The following P2RX3 variants were observed in gnomAD, a reference collection of about 807,000 sequenced individuals.
P2RX3 encodes the protein purinergic receptor P2X 3.
A neutral mutation model predicts 51.5 loss-of-function variants in P2RX3; 41 were observed. That is an observed-to-expected ratio of 0.80 (90% CI 0.62 to 1.03). The LOEUF (loss-of-function observed/expected upper bound fraction) is 1.03. Among genes scored for constraint, P2RX3 ranks in the 50% least tolerant of loss-of-function variants. P2RX3 has a pLI of 0.00. For synonymous variants in P2RX3, 185 were observed against 191.6 expected, an observed-to-expected ratio of 0.97 and a Z score of 0.29; for missense variants, 459 against 522.1, an observed-to-expected ratio of 0.88 and a Z score of 1.18.
At chr11:57,355,224 C>A (rs1276096920) in intron 8 of P2RX3, among the ~76,000 whole-genome samples, 1 of 152,134 alleles carries the variant, frequency 6.6e-6, no homozygotes, top group Admixed American at 6.5e-5. Context: ...AGGTCTCTAA[C>A]TGCTTTATGC....
At chr11:57,360,085 C>T (rs888293825) in intron 8 of P2RX3, among the ~76,000 whole-genome samples, 3 of 152,328 alleles carry the variant, frequency 2.0e-5, no homozygotes, top group African/African-American at 4.8e-5. Flanking sequence ...GTGCGTAAGC[C>T]GCCAGCTAAC....
chr11:57,338,466 TC>T lies in P2RX3; in HGVS notation c.-84del, dbSNP rs1856276115. 1 of 866,038 alleles carries T rather than the reference TC, an allele frequency of 1.2e-6. No individual in the cohort carries two copies. Among genetic ancestry groups the T allele is most frequent in the Non-Finnish European group, 1.8e-6 (1 of 545,114 alleles). The allele number at this position is 866,038 out of a possible 1,614,324, so 53.6% of individuals were successfully genotyped here. A position where few individuals can be genotyped will look rare whatever the true frequency, so the allele number is the denominator to read the frequency against. ...CTAAGCTGCCCCCTCCAGGTCGTGA[TC>T]TCGTCTCCCTGTCCTGTAGGACCTC... On this transcript the variant is annotated 5_prime_UTR_variant, in exon 1 of 12. Coordinates refer to ENST00000263314, the MANE Select transcript of P2RX3 (RefSeq NM_002559.5).
chr11:57,348,794 A>G (rs1253322241), intron 6 of P2RX3, 90 bp downstream of exon 6: 36 of 904,152 alleles, frequency 4.0e-5, no homozygotes, highest in Non-Finnish European at 5.4e-5. Flanking sequence ...CCCCCTCGCC[A>G]CAGTTCTTCC....
At chr11:57,353,046 G>T (rs1856572068) in intron 8 of P2RX3, among the ~76,000 whole-genome samples, 1 of 152,256 alleles carries the variant, frequency 6.6e-6, no homozygotes, top group East Asian at 1.9e-4. Context: ...CCTTCACCTG[G>T]GTGCCCACCC....
intron 1 of P2RX3, among the ~76,000 whole-genome samples, chr11:57,340,158 C>T (rs1277210598): frequency 2.0e-5 from 3 of 152,238 alleles, no homozygotes; most frequent in Admixed American, 1.3e-4. Context: ...TTTATAGCCA[C>T]AAGATGGTAT....
In P2RX3 at chr11:57,360,507, A is replaced by C. The variant is rs565953806; in HGVS notation, c.843-7502A>C. On this transcript the variant is annotated intron_variant, in intron 8 of 11. Coordinates refer to ENST00000263314, the MANE Select transcript of P2RX3 (RefSeq NM_002559.5). The stretch of plus-strand genomic sequence containing the variant: ...CCTTTGGGCAAACAGAAACAGTGAG[A>C]TATGAGGCCAGGCGCGGTGGCTCAT... Among the ~76,000 whole-genome samples the C allele has an allele frequency of 8.5e-5, 13 of 152,276 alleles. No homozygotes were observed. The South Asian group carries it at 2.3e-3, about 27-fold the overall frequency.
chr11:57,349,008 T>C (rs1213213598), intron 6 of P2RX3, among the ~76,000 whole-genome samples: 2 of 152,162 alleles, frequency 1.3e-5, no homozygotes, highest in Admixed American at 6.5e-5. Context: ...CCTTCAACGG[T>C]TGAAACCCTT....
chr11:57,347,004 C>T, intron 2 of P2RX3, 112 bp from the exon 3 acceptor site: 1 of 1,199,800 alleles, frequency 8.3e-7, no homozygotes, highest in Non-Finnish European at 1.2e-6. Flanking sequence ...GGCCAAGTCA[C>T]TAGACACAAG....
upstream of P2RX3, among the ~76,000 whole-genome samples, chr11:57,336,573 C>T (rs1353146777): frequency 1.3e-5 from 2 of 152,164 alleles, no homozygotes; most frequent in Admixed American, 1.3e-4. Context: ...CCCCAACCTC[C>T]TTTTACTGAT....
chr11:57,339,803 A>G (rs1161772446), intron 1 of P2RX3, among the ~76,000 whole-genome samples: 2 of 152,232 alleles, frequency 1.3e-5, no homozygotes. Flanking sequence ...AGCTGCATGC[A>G]AACCTGCTTG....
intron 8 of P2RX3, among the ~76,000 whole-genome samples, chr11:57,363,405 G>T (rs1030414793): frequency 6.6e-6 from 1 of 152,154 alleles, no homozygotes; most frequent in African/African-American, 2.4e-5. Context: ...GTGGGCCAGT[G>T]GGGGTGGGGA....
rs549924854 is a variant in P2RX3 at position 57,356,965 on chromosome 11, C to T, written c.842+6067C>T. On this transcript the variant is annotated intron_variant, in intron 8 of 11. Transcript: ENST00000263314. ...TAGCTAACACTCATTGAACACTTAC[C>T]AGTGAGCCAGAGAATTAGCAGGTTC... Among the ~76,000 whole-genome samples, 125 of 152,288 alleles carry T rather than the reference C, an allele frequency of 8.2e-4. 1 individual carries two copies. The Middle Eastern group carries it at 0.014, about 17-fold the overall frequency.
intron 8 of P2RX3, among the ~76,000 whole-genome samples, chr11:57,355,584 A>G (rs1253999866): frequency 6.6e-6 from 1 of 151,932 alleles, no homozygotes; most frequent in East Asian, 1.9e-4. Context: ...CAAGTAATCC[A>G]CCCACCTTGG....
intron 5 of P2RX3, 81 bp downstream of exon 5, chr11:57,348,344 G>A: frequency 1.5e-6 from 2 of 1,295,364 alleles, no homozygotes; most frequent in Non-Finnish European, 1.1e-6. Context: ...GCGTCTCTGA[G>A]CTTGAGGAGG....
chr11:57,343,556 A>T (rs1376846396), intron 1 of P2RX3, among the ~76,000 whole-genome samples: 1 of 152,184 alleles, frequency 6.6e-6, no homozygotes, highest in African/African-American at 2.4e-5. Flanking sequence ...CTCATTCATG[A>T]CATGAAGGTA....
At position 57,369,396 on chromosome 11, in the gene P2RX3, C is replaced by A; in HGVS notation, c.1038C>A (p.Phe346Leu). ...TCTGTGACATCATCCTGCTCAACTT[C>A]CTCAAGGGGGCCGACCAGTACAAAG... ...TVLCDIILLN[F>L]LKGADQYKAK... is the part of the protein sequence containing the mutation. The change falls in exon 11 of 12, where the codon TTC (phenylalanine) becomes TTA (leucine). Residue 346 changes from phenylalanine to leucine, a missense_variant. Coordinates refer to ENST00000263314, the MANE Select transcript of P2RX3 (RefSeq NM_002559.5). The A allele has an allele frequency of 6.2e-7, 1 of 1,610,766 alleles. No individual in the cohort carries two copies. Among genetic ancestry groups the A allele is most frequent in the Non-Finnish European group, 8.5e-7 (1 of 1,178,666 alleles).
chr11:57,369,378 C>A lies in P2RX3; in HGVS notation c.1020C>A (p.Asp340Glu). The A allele has an allele frequency of 6.2e-7, 1 of 1,611,142 alleles. No homozygotes were observed. The highest frequency in any genetic ancestry group is 8.5e-7 in the Non-Finnish European group (1 of 1,178,858). The change falls in exon 11 of 12, where the codon GAC becomes GAA. Residue 340 changes from aspartate to glutamate, a missense_variant. Asp to Glu is a conservative substitution (Grantham distance 45). Coordinates refer to ENST00000263314, the MANE Select transcript of P2RX3 (RefSeq NM_002559.5). ...TSVGVGTVLC[D>E]IILLNFLKGA... is the part of the protein sequence containing the mutation. ...TCCTCCAGGGAACTGTTCTCTGTGA[C>A]ATCATCCTGCTCAACTTCCTCAAGG...
rs946642652 is a variant in P2RX3, at chr11:57,367,987, C to T, written c.843-22C>T. 37 of 1,584,112 alleles carry T rather than the reference C, an allele frequency of 2.3e-5. No individual in the cohort carries two copies. In the Admixed American group the frequency reaches 3.8e-4, roughly 16 times the overall value. ...AGAGACAGGATCCCACAGAGGGACC[C>T]ATCTCTGCCTCTGACCTCCAGGTTT... is the stretch of plus-strand genomic sequence containing the variant. On this transcript the variant is annotated intron_variant, in intron 8 of 11. Coordinates refer to ENST00000263314, the MANE Select transcript of P2RX3 (RefSeq NM_002559.5).
chr11:57,340,144 G>T (rs1856311548), intron 1 of P2RX3, among the ~76,000 whole-genome samples: 1 of 152,202 alleles, frequency 6.6e-6, no homozygotes, highest in South Asian at 2.1e-4. Flanking sequence ...CAATGCTGTG[G>T]TTGTTTATAG....
Sources: gnomAD v4.1 joint callset for allele counts (sites outside exome capture counted in the v4.1 genomes callset) on GRCh38, gnomAD v4.1.1 for gene constraint, MANE v1.5 for transcripts, NCBI Gene and HGNC (gene_info 2026-07-23, HGNC 2026-07-21) for gene names.